Variants in ANO1 observed in about 807,000 individuals in gnomAD.
ANO1 encodes anoctamin 1, also known as anoctamin-1.
In ANO1, 59 loss-of-function variants were observed where a neutral mutation model predicts 124.0. The ratio of observed to expected loss-of-function variants is 0.48; its 90% CI spans 0.39 to 0.59. The LOEUF (loss-of-function observed/expected upper bound fraction) is 0.59. Ranked by LOEUF, ANO1 falls within the 20% of genes least tolerant of loss-of-function variation. ANO1 has a pLI of 0.00. For synonymous variants in ANO1, 529 were observed against 532.0 expected, an observed-to-expected ratio of 0.99 and a Z score of 0.08; for missense variants, 1,059 against 1,328.0, an observed-to-expected ratio of 0.80 and a Z score of 3.15.
At chr11:70,005,699 C>T (rs929960678) in intron 1 of ANO1, among the ~76,000 whole-genome samples, 4 of 152,136 alleles carry the variant, frequency 2.6e-5, no homozygotes, top group Admixed American at 6.5e-5. Flanking sequence ...AATGAGTTTA[C>T]CAGCTCCAAA....
intron 22 of ANO1, among the ~76,000 whole-genome samples, chr11:70,178,838 A>G (rs2048827584): frequency 6.6e-6 from 1 of 152,238 alleles, no homozygotes; most frequent in Non-Finnish European, 1.5e-5. Context: ...TGCTGGGATT[A>G]TAGGCGTGAG....
intron 22 of ANO1, among the ~76,000 whole-genome samples, chr11:70,173,777 G>A (rs563581726): frequency 6.6e-6 from 1 of 152,268 alleles, no homozygotes; most frequent in Non-Finnish European, 1.5e-5. Flanking sequence ...AGGGCCGGGC[G>A]CAGTGGCTCA....
chr11:69,997,373 G>T (rs1856291027), intron 1 of ANO1, among the ~76,000 whole-genome samples: 1 of 144,206 alleles, frequency 6.9e-6, no homozygotes, highest in African/African-American at 2.6e-5. Flanking sequence ...CAGGATGAAA[G>T]ACAAAAATAA....
chr11:70,075,949 T>A (rs181651008), upstream of ANO1, among the ~76,000 whole-genome samples: 1 of 152,342 alleles, frequency 6.6e-6, no homozygotes, highest in Admixed American at 6.5e-5. Context: ...TTACTTTGTG[T>A]CGGTCCCTGA....
chr11:70,047,935 G>A (rs1857286910), intron 1 of ANO1, among the ~76,000 whole-genome samples: 1 of 152,212 alleles, frequency 6.6e-6, no homozygotes. Context: ...GTTGTGGAAT[G>A]AGAATGTTTT....
At chr11:69,987,081 G>A (rs981251352) in intron 1 of ANO1, among the ~76,000 whole-genome samples, 8 of 151,942 alleles carry the variant, frequency 5.3e-5, no homozygotes, top group Non-Finnish European at 8.8e-5. Context: ...ATTCTGATGC[G>A]TGCCTTTCAA....
chr11:70,085,763 T>G, intron 1 of ANO1: 1 of 1,348,332 alleles, frequency 7.4e-7, no homozygotes, highest in Non-Finnish European at 9.7e-7. Flanking sequence ...AGGCCTTCCC[T>G]CCCCCTCTCC....
At chr11:69,999,970 C>T (rs894343298) in intron 1 of ANO1, among the ~76,000 whole-genome samples, 5 of 152,138 alleles carry the variant, frequency 3.3e-5, no homozygotes, top group South Asian at 2.1e-4. Flanking sequence ...ATTCAGAGCA[C>T]GGCCCATACT....
At chr11:70,085,703 A>C in intron 1 of ANO1, 1 of 1,447,246 alleles carries the variant, frequency 6.9e-7, no homozygotes. Context: ...GCCCTGGCCC[A>C]GAGCCTCCTC....
At chr11:70,082,664 C>T (rs754145365) in intron 1 of ANO1, among the ~76,000 whole-genome samples, 24 of 152,240 alleles carry the variant, frequency 1.6e-4, no homozygotes, top group Non-Finnish European at 3.2e-4. Context: ...CTGAAGCTTT[C>T]CCAGGCCTTC....
At chr11:70,045,420 G>C (rs1555005486) in intron 1 of ANO1, among the ~76,000 whole-genome samples, 1 of 152,136 alleles carries the variant, frequency 6.6e-6, no homozygotes, top group Non-Finnish European at 1.5e-5. Flanking sequence ...TGCTTATATA[G>C]AAAGAAAACA....
At chr11:69,988,528 T>C (rs1856092059) in intron 1 of ANO1, among the ~76,000 whole-genome samples, 1 of 152,194 alleles carries the variant, frequency 6.6e-6, no homozygotes, top group African/African-American at 2.4e-5. Flanking sequence ...GCAAGCTTCA[T>C]CCATATGACC....
At chr11:69,971,501 G>T in the ANO1 span, among the ~76,000 whole-genome samples, 1 of 152,068 alleles carries the variant, frequency 6.6e-6, no homozygotes, top group Non-Finnish European at 1.5e-5. Flanking sequence ...CTTTAAAAAA[G>T]AGAAACTTCT....
intron 1 of ANO1, among the ~76,000 whole-genome samples, chr11:70,003,119 G>GT (rs1221500066): frequency 6.6e-6 from 1 of 152,092 alleles, no homozygotes; most frequent in Non-Finnish European, 1.5e-5. Flanking sequence ...ATAAAGAATT[G>GT]TTTTTATCAC....
intron 9 of ANO1, among the ~76,000 whole-genome samples, chr11:70,124,688 G>A (rs761485228): frequency 3.0e-4 from 46 of 152,154 alleles, no homozygotes; most frequent in Non-Finnish European, 4.0e-4. Context: ...CTCACTGGGC[G>A]GCGGGAGGGT....
chr11:70,033,202 G>A (rs78907260), intron 1 of ANO1, among the ~76,000 whole-genome samples: 36,433 of 152,016 alleles, frequency 0.24, 4,953 homozygotes, highest in South Asian at 0.33. Flanking sequence ...CCCTGCCAAG[G>A]GACCTGCTTG....
At chr11:70,078,289 A>T (rs1469560568), upstream of ANO1, 1 of 151,368 alleles carries the variant, frequency 6.6e-6, no homozygotes, top group Non-Finnish European at 1.5e-5. Flanking sequence ...GAGAGCGCTT[A>T]TATCTTTAAG....
chr11:70,035,079 C>A (rs1269123179), intron 1 of ANO1, among the ~76,000 whole-genome samples: 2 of 152,086 alleles, frequency 1.3e-5, no homozygotes, highest in African/African-American at 2.4e-5. Context: ...GCAGTGGTAC[C>A]ACAGCCCCTC....
chr11:70,031,950 AC>A (rs1217019512), intron 1 of ANO1, among the ~76,000 whole-genome samples: 1 of 151,042 alleles, frequency 6.6e-6, no homozygotes, highest in South Asian at 2.1e-4. Context: ...CTGGCACCCA[AC>A]CCCCCCTCCT....
Sources: gnomAD v4.1 joint callset for allele counts (sites outside exome capture counted in the v4.1 genomes callset) on GRCh38, gnomAD v4.1.1 for gene constraint, MANE v1.5 for transcripts, NCBI Gene and HGNC (gene_info 2026-07-23, HGNC 2026-07-21) for gene names.